TMF1: variants seen among roughly 807,000 people sequenced by gnomAD.
TMF1 encodes TATA element modulatory factor.
A neutral mutation model predicts 126.5 loss-of-function variants in TMF1; 71 were observed. The observed-to-expected ratio is 0.56, with a 90% confidence interval of 0.46 to 0.68. TMF1 has a LOEUF of 0.68. TMF1 is among the 30% of genes least tolerant of loss of function. The pLI is 0.00. For missense variants in TMF1, 1,259 were observed against 1,253.2 expected (o/e 1.00, Z -0.07); for synonymous variants, 461 against 430.5 (o/e 1.07, Z -0.88).
chr3:69,021,225 C>G lies in TMF1; in HGVS notation c.*1952G>C, dbSNP rs1287805272. The G allele has an allele frequency of 3.3e-5, 5 of 152,540 alleles. No homozygotes were observed. The highest frequency in any genetic ancestry group is 1.2e-4 in the African/African-American group (5 of 41,412). 9.4% of individuals were successfully genotyped at this position (152,540 alleles called of 1,614,324 possible). ...CCCTGATTTATAAATAGAACTTTATCATAGGTATATATGTATAGGAAAAAA... is the reference window on the plus strand; with the variant it reads ...CCCTGATTTATAAATAGAACTTTATGATAGGTATATATGTATAGGAAAAAA... On this transcript the variant is annotated 3_prime_UTR_variant, in exon 17 of 17. Transcript: ENST00000398559.
chr3:69,039,244 C>T (rs972392231), intron 6 of TMF1, among the ~76,000 whole-genome samples: 5 of 152,112 alleles, frequency 3.3e-5, no homozygotes, highest in Non-Finnish European at 7.3e-5. Context: ...CACCACCACG[C>T]CCGGCTAATT....
intron 2 of TMF1, 158 bp downstream of exon 2, chr3:69,047,200 G>A: frequency 5.2e-6 from 4 of 763,216 alleles, no homozygotes; most frequent in Non-Finnish European, 5.8e-6. Context: ...ATTAATAATT[G>A]TTCAACTTCA....
At position 69,029,881 on chromosome 3, in the gene TMF1, C is replaced by T; in HGVS notation, c.2528G>A (p.Ser843Asn). 1.2e-6 allele frequency: 2 copies of T among 1,614,100 alleles called. No homozygotes were observed. The highest frequency in any genetic ancestry group is 1.7e-6 in the Non-Finnish European group (2 of 1,179,984). Residue 843 changes from serine to asparagine, a missense_variant, in exon 11 of 17, where the codon AGT (serine) becomes AAT (asparagine). By Grantham distance (46) the Ser-to-Asn change is conservative (BLOSUM62 1). Coordinates refer to ENST00000398559, the MANE Select transcript of TMF1 (RefSeq NM_007114.3). ...TGATTCTAGCTGGGCTTGAAATCTA[C>T]TGTTTTCCTGTCTTAAAAGAGAATT... Reference protein sequence around the residue: ...SQNSLLRQENSRFQAQLESEK... With the variant: ...SQNSLLRQENNRFQAQLESEK...
intron 10 of TMF1, among the ~76,000 whole-genome samples, chr3:69,032,612 T>TA (rs1350884122): frequency 4.2e-5 from 3 of 70,862 alleles, no homozygotes; most frequent in Non-Finnish European, 9.1e-5. Flanking sequence ...GAATATGGAA[T>TA]CTTTTTTTTT....
Position 69,022,939 on chromosome 3 carries a change from A to G in TMF1, c.*238T>C, listed in dbSNP as rs1201651054. On this transcript the variant is annotated 3_prime_UTR_variant, in exon 17 of 17. Transcript: ENST00000398559. The stretch of plus-strand genomic sequence containing the variant: ...TCTCTGTGCTATTCAAGGAAAAAAA[A>G]TGAATGCTTTAAAAAATAAATCTTT... The G allele has an allele frequency of 2.8e-6, 1 of 356,868 alleles. No homozygotes were observed. The highest frequency in any genetic ancestry group is 5.0e-6 in the Non-Finnish European group (1 of 199,520). 22.1% of individuals were successfully genotyped at this position (356,868 alleles called of 1,614,324 possible). A position where few individuals can be genotyped will look rare whatever the true frequency, so the allele number is the denominator to read the frequency against.
chr3:69,045,970 T>G (rs143619008), intron 2 of TMF1, among the ~76,000 whole-genome samples: 1 of 151,620 alleles, frequency 6.6e-6, no homozygotes, highest in East Asian at 1.9e-4. Flanking sequence ...GTGGGAGGAC[T>G]GCTTGAGCCC....
intron 1 of TMF1, among the ~76,000 whole-genome samples, chr3:69,051,602 G>T (rs1000072943): frequency 5.3e-5 from 8 of 152,184 alleles, no homozygotes; most frequent in African/African-American, 1.9e-4. Flanking sequence ...CCCGAGACGC[G>T]AAGCAATTCG....
chr3:69,029,513 T>G (rs1559629830), intron 11 of TMF1, among the ~76,000 whole-genome samples: 2 of 151,840 alleles, frequency 1.3e-5, no homozygotes, highest in African/African-American at 4.8e-5. Flanking sequence ...GGTGGGATCT[T>G]GGCTCACTGC....
chr3:69,037,719 T>C (rs1445920837), intron 8 of TMF1, among the ~76,000 whole-genome samples: 1 of 152,066 alleles, frequency 6.6e-6, no homozygotes, highest in African/African-American at 2.4e-5. Context: ...GGCAGAAGAA[T>C]TGCTTGAATC....
chr3:69,042,707 G>T, intron 5 of TMF1, 100 bp downstream of exon 5: 1 of 971,638 alleles, frequency 1.0e-6, no homozygotes, highest in Non-Finnish European at 1.6e-6. Context: ...AACCCTCCTT[G>T]CTTTCAGTAT....
In TMF1 at chr3:69,048,438, C is replaced by G; in HGVS notation, c.267G>C (p.Val89=). The G allele has an allele frequency of 6.2e-7, 1 of 1,614,126 alleles. No homozygotes were observed. The highest frequency in any genetic ancestry group is 8.5e-7 in the Non-Finnish European group (1 of 1,180,034). ...TGAAGAAATTTTCAGATTCATCGAC[C>G]ACAGTCCTCCGAACTGGCTTTGTGA... ...KAITKPVRRT[V]VDESENFFSA... Residue 89 remains valine, a synonymous_variant, in exon 2 of 17, where the codon GTG becomes GTC. Transcript: ENST00000398559.
chr3:69,031,231 G>A (rs9813815), intron 10 of TMF1, among the ~76,000 whole-genome samples: 1,613 of 152,288 alleles, frequency 0.011, 34 homozygotes, highest in African/African-American at 0.037. Flanking sequence ...GATTGCCAGA[G>A]ATTTGGGACA....
chr3:69,027,120 C>T (rs192156892), intron 13 of TMF1, among the ~76,000 whole-genome samples: 7 of 152,164 alleles, frequency 4.6e-5, no homozygotes, highest in East Asian at 3.9e-4. Context: ...CTCTGCCTCC[C>T]GAGTAGCTGG....
At chr3:69,028,136 ATTTCAT>A in intron 12 of TMF1, 84 bp downstream of exon 12, 1 of 1,241,602 alleles carries the variant, frequency 8.1e-7, no homozygotes, top group Non-Finnish European at 1.2e-6. Context: ...GGCATCACCC[ATTTCAT>A]CTTGTTATCT....
rs2091910686 is a variant in TMF1, at chr3:69,048,783, G to C, written c.143-221C>G. ...CTGGTGTGGGTCCACCTGAGAGGAA[G>C]GAGGAGCACAGACAAAAGACTGGGC... On this transcript the variant is annotated intron_variant, in intron 1 of 16. Coordinates refer to ENST00000398559, the MANE Select transcript of TMF1 (RefSeq NM_007114.3). 7 of 417,114 alleles carry C rather than the reference G, an allele frequency of 1.7e-5. No individual in the cohort carries two copies. The South Asian group carries it at 3.2e-4, about 19-fold the overall frequency. 25.8% of individuals were successfully genotyped at this position (417,114 alleles called of 1,614,324 possible). A position where few individuals can be genotyped will look rare whatever the true frequency, so the allele number is the denominator to read the frequency against.
At chr3:69,048,839 A>G in intron 1 of TMF1, 1 of 296,592 alleles carries the variant, frequency 3.4e-6, no homozygotes, top group Non-Finnish European at 6.2e-6. Context: ...CGAGTATGTT[A>G]TTCCTCCCCA....
rs530132169 is a variant in TMF1, at chr3:69,046,489, T to C, written c.1347+869A>G. Among the ~76,000 whole-genome samples the C allele has an allele frequency of 5.3e-5, 8 of 152,312 alleles. 1 individual carries two copies. In the South Asian group the frequency reaches 6.2e-4, roughly 12 times the overall value. On this transcript the variant is annotated intron_variant, in intron 2 of 16. Coordinates refer to ENST00000398559, the MANE Select transcript of TMF1 (RefSeq NM_007114.3). ...TGCACAGCATTTTGTTTGTGAATAT[T>C]TAACCTGATTAACAGAATCTGGCAC...
chr3:69,034,574 C>T (rs1257186436), intron 9 of TMF1, among the ~76,000 whole-genome samples: 1 of 152,172 alleles, frequency 6.6e-6, no homozygotes, highest in African/African-American at 2.4e-5. Flanking sequence ...TTCATCCAAA[C>T]CTCTTAGTAG....
intron 3 of TMF1, 25 bp downstream of exon 3, chr3:69,044,467 T>G: frequency 7.7e-7 from 1 of 1,293,620 alleles, no homozygotes; most frequent in Non-Finnish European, 1.1e-6. Context: ...ATGTGTAACA[T>G]TATTCACATT....
Sources: gnomAD v4.1 joint callset for allele counts (sites outside exome capture counted in the v4.1 genomes callset) on GRCh38, gnomAD v4.1.1 for gene constraint, MANE v1.5 for transcripts, NCBI Gene and HGNC (gene_info 2026-07-23, HGNC 2026-07-21) for gene names.